Variants in ZNF528 observed in about 807,000 individuals in gnomAD.
ZNF528 encodes the protein zinc finger protein 528.
In ZNF528, 9 loss-of-function variants were observed where a neutral mutation model predicts 13.3. That is an observed-to-expected ratio of 0.67 (90% CI 0.41 to 1.18). The LOEUF (loss-of-function observed/expected upper bound fraction) is 1.18. Ranked by LOEUF, ZNF528 falls within the 50% of genes most tolerant of loss-of-function variation. The pLI, the probability that ZNF528 is intolerant of heterozygous loss-of-function variation, is 0.01. For synonymous variants in ZNF528, 264 were observed against 254.3 expected, an observed-to-expected ratio of 1.04 and a Z score of -0.36; for missense variants, 858 against 745.4, an observed-to-expected ratio of 1.15 and a Z score of -1.76.
rs777059473 is a variant in ZNF528 at position 52,415,785 on chromosome 19, C to G, written c.933C>G (p.His311Gln). The change falls in exon 7 of 7, where the codon CAC (histidine) becomes CAG (glutamine). Residue 311 changes from histidine (H) to glutamine (Q), a missense_variant. By Grantham distance (24) the His-to-Gln change is conservative (BLOSUM62 0). Coordinates refer to ENST00000360465, the MANE Select transcript of ZNF528 (RefSeq NM_032423.3). ...ACAAGGTCTTCAATCAAATTGCACA[C>G]CTTGTACGACATCAAAAAATTCATA... Reference protein sequence around the residue: ...ECDKVFNQIAHLVRHQKIHTG... With the variant: ...ECDKVFNQIAQLVRHQKIHTG... 1 of 1,613,992 alleles carries G rather than the reference C, an allele frequency of 6.2e-7. No homozygotes were observed. Among genetic ancestry groups the G allele is most frequent in the Non-Finnish European group, 8.5e-7 (1 of 1,180,012 alleles).
chr19:52,415,882 C>G lies in ZNF528; in HGVS notation c.1030C>G (p.Gln344Glu). ...FSRHSYLAEH[Q>E]TVHTGEKPYK... is the part of the protein sequence containing the mutation. Reference sequence around the variant, plus strand: ...TCGCCATTCATATCTAGCAGAACATCAAACGGTTCATACTGGTGAGAAACC... The same window carrying G: ...TCGCCATTCATATCTAGCAGAACATGAAACGGTTCATACTGGTGAGAAACC... The change falls in exon 7 of 7, where the codon CAA (glutamine) becomes GAA (glutamate). Residue 344 changes from glutamine (Q) to glutamate (E), a missense_variant. Transcript: ENST00000360465. 2 of 1,613,984 alleles carry G rather than the reference C, an allele frequency of 1.2e-6. No individual in the cohort carries two copies. The highest frequency in any genetic ancestry group is 1.7e-6 in the Non-Finnish European group (2 of 1,179,990).
chr19:52,405,300 G>C (rs2058842029), intron 4 of ZNF528, among the ~76,000 whole-genome samples: 1 of 151,718 alleles, frequency 6.6e-6, no homozygotes, highest in Non-Finnish European at 1.5e-5. Context: ...GGAGGCCAAG[G>C]TGGGAGGATA....
chr19:52,399,383 G>A (rs768941197), intron 2 of ZNF528, among the ~76,000 whole-genome samples: 3 of 152,204 alleles, frequency 2.0e-5, no homozygotes, highest in Non-Finnish European at 2.9e-5. Flanking sequence ...AAGCTGAGGT[G>A]AGCGGATCAC....
Position 52,415,229 on chromosome 19 carries a change from A to G in ZNF528, c.377A>G (p.Glu126Gly). The change falls in exon 7 of 7, where the codon GAA becomes GGA. Residue 126 changes from glutamate (E) to glycine (G), a missense_variant. Transcript: ENST00000360465. ...HLSDLQLFQAERKISGCKHFE... is the reference protein window; with the variant it reads ...HLSDLQLFQAGRKISGCKHFE... ...AGTGATCTACAGCTATTTCAAGCTGAAAGGAAAATTTCTGGGTGTAAGCAT... is the reference window on the plus strand; with the variant it reads ...AGTGATCTACAGCTATTTCAAGCTGGAAGGAAAATTTCTGGGTGTAAGCAT... The G allele has an allele frequency of 6.2e-7, 1 of 1,614,132 alleles. No homozygotes were observed. Among genetic ancestry groups the G allele is most frequent in the Non-Finnish European group, 8.5e-7 (1 of 1,180,018 alleles).
chr19:52,412,213 A>T (rs1468999934), intron 6 of ZNF528: 1 of 152,242 alleles, frequency 6.6e-6, no homozygotes, highest in Non-Finnish European at 1.5e-5. Context: ...TTTGCAGGGA[A>T]TAAGCAATAG....
chr19:52,415,117 G>A lies in ZNF528; in HGVS notation c.272-7G>A. On this transcript the variant is annotated splice_region_variant and splice_polypyrimidine_tract_variant and intron_variant, in intron 6 of 6. Coordinates refer to ENST00000360465, the MANE Select transcript of ZNF528 (RefSeq NM_032423.3). ...GTTGAAGTTCCACTTTTTTCTTTCTGTTTTAGAGAGGAGCTCTAAATTGGG... is the reference window on the plus strand; with the variant it reads ...GTTGAAGTTCCACTTTTTTCTTTCTATTTTAGAGAGGAGCTCTAAATTGGG... 6.2e-7 allele frequency: 1 copy of A among 1,608,984 alleles called. No homozygotes were observed. Among genetic ancestry groups the A allele is most frequent in the Non-Finnish European group, 8.5e-7 (1 of 1,177,644 alleles).
intron 6 of ZNF528, 194 bp from the exon 7 acceptor site, chr19:52,414,930 C>T: frequency 6.6e-7 from 1 of 1,518,462 alleles, no homozygotes; most frequent in Non-Finnish European, 8.8e-7. Flanking sequence ...ATTCTCTCGA[C>T]TCCTGCAGAT....
At chr19:52,407,541 T>G (rs2058873406) in intron 6 of ZNF528, among the ~76,000 whole-genome samples, 1 of 151,826 alleles carries the variant, frequency 6.6e-6, no homozygotes, top group Non-Finnish European at 1.5e-5. Context: ...TTTGTGGGGC[T>G]GAGGCAGGCA....
At chr19:52,409,897 T>C (rs538760095) in intron 6 of ZNF528, among the ~76,000 whole-genome samples, 3 of 152,122 alleles carry the variant, frequency 2.0e-5, no homozygotes, top group Non-Finnish European at 4.4e-5. Flanking sequence ...GTATTTTTAG[T>C]AGAGACAGGG....
At chr19:52,409,734 A>T (rs1002938566) in intron 6 of ZNF528, among the ~76,000 whole-genome samples, 14 of 149,960 alleles carry the variant, frequency 9.3e-5, no homozygotes. Context: ...GTTTTTTTTG[A>T]GATGGAGTCT....
At position 52,415,275 on chromosome 19, in the gene ZNF528, C is replaced by T. The variant is rs1161068568; in HGVS notation, c.423C>T (p.Asp141=). ...AGCATTTTGAAAAACCCGTCAGTGA[C>T]AATTCCTCAGTTTCACCGCTTGAAA... ...GCKHFEKPVS[D]NSSVSPLEKI... is the part of the protein sequence containing the mutation. Residue 141 remains aspartate (D), a synonymous_variant, in exon 7 of 7, where the codon GAC becomes GAT. Coordinates refer to ENST00000360465, the MANE Select transcript of ZNF528 (RefSeq NM_032423.3). 2 of 1,613,850 alleles carry T rather than the reference C, an allele frequency of 1.2e-6. No individual in the cohort carries two copies. Among genetic ancestry groups the T allele is most frequent in the Non-Finnish European group, 1.7e-6 (2 of 1,180,004 alleles).
Position 52,406,248 on chromosome 19 carries a change from C to T in ZNF528, c.142+215C>T, listed in dbSNP as rs903353137. On this transcript the variant is annotated intron_variant, in intron 5 of 6. Coordinates refer to ENST00000360465, the MANE Select transcript of ZNF528 (RefSeq NM_032423.3). Reference sequence around the variant, plus strand: ...AATTCATGATTGGTGGCACCAGGGCCGAAGTATGCAGGAAACCTTATGACA... The same window carrying T: ...AATTCATGATTGGTGGCACCAGGGCTGAAGTATGCAGGAAACCTTATGACA... Among the ~76,000 whole-genome samples, 5 of 152,102 alleles carry T rather than the reference C, an allele frequency of 3.3e-5. No individual in the cohort carries two copies. The East Asian group carries it at 7.7e-4, about 23-fold the overall frequency.
chr19:52,414,191 T>G, intron 6 of ZNF528: 2 of 702,336 alleles, frequency 2.8e-6, no homozygotes, highest in Non-Finnish European at 2.6e-6. Context: ...CCCATTCACC[T>G]TGTGAATTTC....
intron 3 of ZNF528, 66 bp from the exon 4 acceptor site, chr19:52,401,881 G>A: frequency 6.4e-7 from 1 of 1,565,974 alleles, no homozygotes; most frequent in Non-Finnish European, 8.7e-7. Context: ...CCCTTTGTGT[G>A]TGGCTATGGC....
chr19:52,400,101 G>A (rs1011952418), intron 2 of ZNF528, among the ~76,000 whole-genome samples: 42 of 152,120 alleles, frequency 2.8e-4, no homozygotes, highest in African/African-American at 1.0e-3. Flanking sequence ...CTGAGACTGT[G>A]TGCCACAGGC....
intron 6 of ZNF528, chr19:52,412,025 T>C (rs2058936899): frequency 1.3e-5 from 2 of 152,272 alleles, no homozygotes; most frequent in African/African-American, 4.8e-5. Flanking sequence ...CAGTCTTTAC[T>C]GGATATGACT....
chr19:52,404,116 C>A (rs1482168765), intron 4 of ZNF528, among the ~76,000 whole-genome samples: 2 of 152,152 alleles, frequency 1.3e-5, no homozygotes, highest in African/African-American at 4.8e-5. Flanking sequence ...GTCCAGACAC[C>A]TGGGATCCCA....
chr19:52,403,787 T>G (rs183813598), intron 4 of ZNF528, among the ~76,000 whole-genome samples: 167 of 151,922 alleles, frequency 1.1e-3, no homozygotes, highest in Middle Eastern at 3.4e-3. Flanking sequence ...TGTGGATGAG[T>G]GCACAACAGT....
intron 6 of ZNF528, chr19:52,414,357 T>TA (rs1161027693): frequency 1.4e-6 from 1 of 702,140 alleles, no homozygotes; most frequent in Non-Finnish European, 2.6e-6. Flanking sequence ...AACATTGGAA[T>TA]AAAAGACAAA....
Sources: allele counts gnomAD v4.1 joint callset (sites outside exome capture counted in the v4.1 genomes callset), GRCh38; gene constraint gnomAD v4.1.1; transcripts MANE v1.5; gene names NCBI Gene and HGNC (gene_info 2026-07-23, HGNC 2026-07-21).